The following EPHA6 variants were observed in gnomAD, a reference collection of about 807,000 sequenced individuals.
EPHA6 encodes the protein ephrin type-A receptor 6.
EPHA6 carries 50 observed loss-of-function variants against 112.0 expected under a neutral mutation model. That is an observed-to-expected ratio of 0.45 (90% CI 0.36 to 0.56). The LOEUF (loss-of-function observed/expected upper bound fraction) is 0.56, where lower values mean the gene tolerates loss of function less well. Ranked by LOEUF, EPHA6 falls within the 20% of genes least tolerant of loss-of-function variation. The pLI, the probability that EPHA6 is intolerant of heterozygous loss-of-function variation, is 0.00. For missense variants in EPHA6, 1,280 were observed against 1,417.4 expected (o/e 0.90, Z 1.56); for synonymous variants, 529 against 490.7 (o/e 1.08, Z -1.03).
intron 3 of EPHA6, among the ~76,000 whole-genome samples, chr3:96,996,769 A>C (rs1295813373): frequency 6.6e-6 from 1 of 152,084 alleles, no homozygotes; most frequent in Non-Finnish European, 1.5e-5. Flanking sequence ...ATTTATCATA[A>C]TTCTTACTAG....
At chr3:96,871,510 T>A (rs2036621218) in intron 2 of EPHA6, among the ~76,000 whole-genome samples, 1 of 151,358 alleles carries the variant, frequency 6.6e-6, no homozygotes, top group Non-Finnish European at 1.5e-5. Context: ...GTATCAAATA[T>A]TTTTTTTTCT....
chr3:97,335,521 T>C (rs2083015321), intron 5 of EPHA6, among the ~76,000 whole-genome samples: 1 of 152,208 alleles, frequency 6.6e-6, no homozygotes, highest in South Asian at 2.1e-4. Flanking sequence ...TTTTCTTTTC[T>C]TTCTGAGTCC....
At chr3:97,296,147 C>G (rs1464601807) in intron 5 of EPHA6, among the ~76,000 whole-genome samples, 1 of 152,036 alleles carries the variant, frequency 6.6e-6, no homozygotes, top group Admixed American at 6.5e-5. Context: ...GTGACTCATA[C>G]TGTTATTAAT....
intron 11 of EPHA6, among the ~76,000 whole-genome samples, chr3:97,553,528 T>C (rs1434792568): frequency 6.6e-6 from 1 of 152,074 alleles, no homozygotes; most frequent in Non-Finnish European, 1.5e-5. Flanking sequence ...ACATCTTACA[T>C]GGCTGCAGGA....
At position 97,733,244 on chromosome 3, in the gene EPHA6, A is replaced by C. The variant is rs923378267; in HGVS notation, c.2935-2681A>C. On this transcript the variant is annotated intron_variant, in intron 15 of 17. Transcript: ENST00000389672. ...AGTAACCCTGTGGACAGGAGGCAGA[A>C]GCCACAAGTCTTACAAGAAGCTGGG... Among the ~76,000 whole-genome samples the C allele has an allele frequency of 2.0e-5, 3 of 152,078 alleles. No homozygotes were observed. The East Asian group carries it at 5.8e-4, about 29-fold the overall frequency.
chr3:97,544,432 C>G (rs371134293), intron 11 of EPHA6, among the ~76,000 whole-genome samples: 269 of 152,200 alleles, frequency 1.8e-3, no homozygotes, highest in African/African-American at 6.0e-3. Context: ...TTGCATCCCA[C>G]GGATGAAGCC....
At position 97,740,252 on chromosome 3, in the gene EPHA6, TAGTCAGCTGGTC is replaced by T. The variant is rs532152321; in HGVS notation, c.3128+4138_3128+4149del. ...GAAGTCTACTGAGTGCACCAGGCTG[TAGTCAGCTGGTC>T]AGTATCCTTTAGGACAGAGTTTCAA... is the stretch of plus-strand genomic sequence containing the variant. On this transcript the variant is annotated intron_variant, in intron 16 of 17. Coordinates refer to ENST00000389672, the MANE Select transcript of EPHA6 (RefSeq NM_001080448.3). 1.8e-4 allele frequency among the ~76,000 whole-genome samples: 27 copies of T among 152,258 alleles called. 1 individual carries two copies. The South Asian group carries it at 4.1e-3, about 23-fold the overall frequency.
chr3:97,551,040 T>C (rs1382135922), intron 11 of EPHA6, among the ~76,000 whole-genome samples: 1 of 152,202 alleles, frequency 6.6e-6, no homozygotes, highest in Non-Finnish European at 1.5e-5. Context: ...TAATTGTGCT[T>C]CTCTATACTT....
chr3:96,915,200 A>ATG (rs148947174), intron 2 of EPHA6, among the ~76,000 whole-genome samples: 2,767 of 152,088 alleles, frequency 0.018, 72 homozygotes, highest in African/African-American at 0.05. Flanking sequence ...TTAAAATCCA[A>ATG]TGTAAGGAAA....
At chr3:97,098,387 A>G (rs778109359) in intron 3 of EPHA6, among the ~76,000 whole-genome samples, 2 of 151,894 alleles carry the variant, frequency 1.3e-5, no homozygotes, top group Non-Finnish European at 2.9e-5. Context: ...TTAACTTTTG[A>G]TATGTAGAAT....
chr3:97,455,722 G>A (rs939989483), intron 7 of EPHA6, among the ~76,000 whole-genome samples: 4 of 151,870 alleles, frequency 2.6e-5, no homozygotes, highest in African/African-American at 9.7e-5. Context: ...ACACATGGTA[G>A]ACCAAGTATA....
chr3:96,871,607 T>C (rs1362882981), intron 2 of EPHA6, among the ~76,000 whole-genome samples: 1 of 152,010 alleles, frequency 6.6e-6, no homozygotes, highest in African/African-American at 2.4e-5. Flanking sequence ...TAAATATAAA[T>C]AAAATATACA....
intron 5 of EPHA6, among the ~76,000 whole-genome samples, chr3:97,346,610 C>A (rs932507947): frequency 1.3e-5 from 2 of 151,890 alleles, no homozygotes; most frequent in African/African-American, 4.8e-5. Context: ...GGAACGTTTA[C>A]AGGACATACT....
chr3:97,607,499 A>G (rs1402291306), intron 12 of EPHA6, among the ~76,000 whole-genome samples: 1 of 151,252 alleles, frequency 6.6e-6, no homozygotes. Context: ...CTGATTTCTT[A>G]GAGGATCTTC....
chr3:97,264,385 C>T (rs1324906978), intron 5 of EPHA6, among the ~76,000 whole-genome samples: 9 of 152,364 alleles, frequency 5.9e-5, no homozygotes, highest in Middle Eastern at 3.4e-3. Flanking sequence ...GGTGCCGGCA[C>T]GGGCACCAGT....
intron 11 of EPHA6, among the ~76,000 whole-genome samples, chr3:97,547,496 A>T (rs1034400128): frequency 1.3e-5 from 2 of 152,104 alleles, no homozygotes; most frequent in African/African-American, 4.8e-5. Flanking sequence ...CCTCCCAGTT[A>T]GGCTACTTGG....
intron 5 of EPHA6, among the ~76,000 whole-genome samples, chr3:97,294,195 A>G (rs2108693233): frequency 6.6e-6 from 1 of 152,242 alleles, no homozygotes; most frequent in East Asian, 1.9e-4. Flanking sequence ...TGCTGTGCCA[A>G]TTCATAGTGG....
At chr3:97,700,653 C>T (rs887544180) in intron 14 of EPHA6, among the ~76,000 whole-genome samples, 1 of 152,184 alleles carries the variant, frequency 6.6e-6, no homozygotes, top group Non-Finnish European at 1.5e-5. Context: ...TAAGGTACAA[C>T]ACCACCTAGG....
At chr3:96,976,048 A>G (rs945363221) in intron 2 of EPHA6, among the ~76,000 whole-genome samples, 2 of 152,178 alleles carry the variant, frequency 1.3e-5, no homozygotes, top group South Asian at 2.1e-4. Context: ...AGCAAAATTA[A>G]TGACAGGTTT....
Sources: allele counts gnomAD v4.1 joint callset (sites outside exome capture counted in the v4.1 genomes callset), GRCh38; gene constraint gnomAD v4.1.1; transcripts MANE v1.5; gene names NCBI Gene and HGNC (gene_info 2026-07-23, HGNC 2026-07-21).